The following UGT1A8 variants were observed in gnomAD, a reference collection of about 807,000 sequenced individuals.
UGT1A8 encodes UDP-glucuronosyltransferase 1A8.
A neutral mutation model predicts 45.3 loss-of-function variants in UGT1A8; 39 were observed. The observed-to-expected ratio is 0.86, with a 90% CI of 0.67 to 1.12. The LOEUF (loss-of-function observed/expected upper bound fraction) is 1.12, where lower values mean the gene tolerates loss of function less well. Among genes scored for constraint, UGT1A8 ranks in the 50% most tolerant of loss-of-function variants. The pLI, the probability that UGT1A8 is intolerant of heterozygous loss-of-function variation, is 0.00. For synonymous variants in UGT1A8, 275 were observed against 249.2 expected (o/e 1.10, Z -0.97); for missense variants, 719 against 664.9 (o/e 1.08, Z -0.90).
chr2:233,617,939 T>A lies in UGT1A8; in HGVS notation c.232T>A (p.Ser78Thr). The change falls in exon 1 of 5, where the codon TCA (serine) becomes ACA (threonine). Residue 78 changes from serine (S) to threonine (T), a missense_variant. Ser to Thr is a moderately conservative substitution (Grantham distance 58). Coordinates refer to ENST00000373450, the MANE Select transcript of UGT1A8 (RefSeq NM_019076.5). The part of the protein sequence containing the change: ...KSLNCTVKTY[S>T]TSYTLEDLDR... Reference sequence around the variant, plus strand: ...ACTGAATTGCACAGTGAAGACTTACTCAACCTCATACACTCTGGAGGATCT... The same window carrying A: ...ACTGAATTGCACAGTGAAGACTTACACAACCTCATACACTCTGGAGGATCT... 1 of 1,614,188 alleles carries A rather than the reference T, an allele frequency of 6.2e-7. No homozygotes were observed. Among genetic ancestry groups the A allele is most frequent in the Non-Finnish European group, 8.5e-7 (1 of 1,180,028 alleles).
At chr2:233,652,446 G>A (rs2073763744) in intron 1 of UGT1A8, among the ~76,000 whole-genome samples, 1 of 151,932 alleles carries the variant, frequency 6.6e-6, no homozygotes, top group African/African-American at 2.4e-5. Flanking sequence ...TGGAAATGCT[G>A]GAGATATCAT....
At chr2:233,737,915 A>C (rs986485881) in intron 1 of UGT1A8, among the ~76,000 whole-genome samples, 8 of 152,040 alleles carry the variant, frequency 5.3e-5, no homozygotes, top group Non-Finnish European at 8.8e-5. Context: ...AGAACAGGCT[A>C]GTGTATTTAG....
chr2:233,722,900 A>G (rs976029568), intron 1 of UGT1A8, among the ~76,000 whole-genome samples: 17 of 145,938 alleles, frequency 1.2e-4, no homozygotes, highest in Middle Eastern at 3.6e-3. Context: ...GTGGAAGTGG[A>G]TCATCATAAA....
At chr2:233,645,329 C>A (rs2073571586) in intron 1 of UGT1A8, among the ~76,000 whole-genome samples, 1 of 152,112 alleles carries the variant, frequency 6.6e-6, no homozygotes, top group South Asian at 2.1e-4. Flanking sequence ...GGGACACAGC[C>A]AAACCATATG....
At chr2:233,718,642 C>T in intron 1 of UGT1A8, 2 of 1,479,382 alleles carry the variant, frequency 1.4e-6, no homozygotes, top group South Asian at 2.6e-5. Context: ...CAGGGTTGGG[C>T]CCATAACGAA....
At position 233,769,732 on chromosome 2, in the gene UGT1A8, G is replaced by A; in HGVS notation, c.1295+1293G>A. The A allele has an allele frequency of 2.7e-6, 4 of 1,465,694 alleles. No homozygotes were observed. Among genetic ancestry groups the A allele is most frequent in the South Asian group, 2.9e-5 (2 of 70,094 alleles). 90.8% of individuals were successfully genotyped at this position (1,465,694 alleles called of 1,614,324 possible). ...TGGCTAGGCACCATGGCACACGCCT[G>A]TAGTCCCAGCCACTCTGGAGGCTAA... On this transcript the variant is annotated intron_variant, in intron 4 of 4. Coordinates refer to ENST00000373450, the MANE Select transcript of UGT1A8 (RefSeq NM_019076.5). This position sits in a 1 kb window ranked among gnomAD's most constrained non-coding sequence, Gnocchi z 4.4.
intron 1 of UGT1A8, among the ~76,000 whole-genome samples, chr2:233,718,205 T>C (rs2076639631): frequency 6.6e-6 from 1 of 152,198 alleles, no homozygotes; most frequent in African/African-American, 2.4e-5. Context: ...AGCTTTTTTT[T>C]ATATTGACAG....
chr2:233,757,535 A>AATATATAT lies in UGT1A8; in HGVS notation c.856-9480_856-9473dup, dbSNP rs67292694. On this transcript the variant is annotated intron_variant, in intron 1 of 4. Transcript: ENST00000373450. ...CAAAGCCAAAATCTTGCCTGTAAGG[A>AATATATAT]ATATATATATATATATATATATATA... Among the ~76,000 whole-genome samples the AATATATAT allele has an allele frequency of 9.1e-3, 800 of 88,270 alleles. 30 individuals are homozygous for AATATATAT. Among genetic ancestry groups the AATATATAT allele is most frequent in the African/African-American group, 0.032 (642 of 19,900 alleles). The allele number at this position is 88,270 out of a possible 152,430, so 57.9% of individuals were successfully genotyped here.
At chr2:233,766,944 A>C (rs1699286381) in intron 1 of UGT1A8, 90 bp from the exon 2 acceptor site, 2 of 1,597,570 alleles carry the variant, frequency 1.3e-6, no homozygotes, top group South Asian at 2.3e-5. Context: ...TCATAGTCTT[A>C]AGAGGAAGAT....
At chr2:233,764,520 A>G (rs935086504) in intron 1 of UGT1A8, among the ~76,000 whole-genome samples, 4 of 152,220 alleles carry the variant, frequency 2.6e-5, no homozygotes, top group African/African-American at 4.8e-5. Context: ...TGTGAATCAC[A>G]TCCTGCTGAT....
At chr2:233,723,986 G>A (rs1415108440) in intron 1 of UGT1A8, among the ~76,000 whole-genome samples, 7 of 57,878 alleles carry the variant, frequency 1.2e-4, no homozygotes, top group African/African-American at 7.1e-4. Context: ...CACCTTTCCC[G>A]CCTTTCTATT....
intron 1 of UGT1A8, chr2:233,693,364 C>T (rs200083350): frequency 1.9e-6 from 3 of 1,614,138 alleles, no homozygotes; most frequent in Non-Finnish European, 2.5e-6. Context: ...TTGTTATTGG[C>T]CTGTACTTCA....
At chr2:233,658,299 G>A (rs1200089291) in intron 1 of UGT1A8, among the ~76,000 whole-genome samples, 4 of 152,180 alleles carry the variant, frequency 2.6e-5, no homozygotes, top group Non-Finnish European at 5.9e-5. Context: ...GATTACAGGT[G>A]TGAGCAATGG....
intron 1 of UGT1A8, among the ~76,000 whole-genome samples, chr2:233,714,201 T>C (rs2076373171): frequency 6.6e-6 from 1 of 152,184 alleles, no homozygotes. Flanking sequence ...CACTGAGAAC[T>C]GATCCATCCA....
At chr2:233,719,619 AG>A in intron 1 of UGT1A8, 1 of 1,614,060 alleles carries the variant, frequency 6.2e-7, no homozygotes, top group Non-Finnish European at 8.5e-7. Context: ...GGACTACCCC[AG>A]GCCGATCATG....
intron 1 of UGT1A8, among the ~76,000 whole-genome samples, chr2:233,632,698 C>G (rs994469283): frequency 2.0e-5 from 3 of 152,156 alleles, no homozygotes; most frequent in African/African-American, 4.8e-5. Context: ...TGAGACTTTT[C>G]TGAAGTTGCT....
chr2:233,631,171 C>A (rs2073179795), intron 1 of UGT1A8, among the ~76,000 whole-genome samples: 1 of 152,138 alleles, frequency 6.6e-6, no homozygotes, highest in Non-Finnish European at 1.5e-5. Context: ...GACATGAATG[C>A]ATCCTTTTTA....
At chr2:233,668,164 T>C (rs1481450696) in intron 1 of UGT1A8, among the ~76,000 whole-genome samples, 1 of 152,136 alleles carries the variant, frequency 6.6e-6, no homozygotes, top group Non-Finnish European at 1.5e-5. Context: ...CATTAACTCG[T>C]CATTTACATT....
chr2:233,678,743 A>G (rs1467828887), intron 1 of UGT1A8, among the ~76,000 whole-genome samples: 1 of 148,264 alleles, frequency 6.7e-6, no homozygotes, highest in Non-Finnish European at 1.5e-5. Flanking sequence ...CTGATTGGAA[A>G]GCACTCATCT....
Sources: allele counts gnomAD v4.1 joint callset (sites outside exome capture counted in the v4.1 genomes callset), GRCh38; gene constraint gnomAD v4.1.1; non-coding constraint Gnocchi (gnomAD v3.1); transcripts MANE v1.5; gene names NCBI Gene and HGNC (gene_info 2026-07-23, HGNC 2026-07-21).